PSORS1C1: variants seen among roughly 807,000 people sequenced by gnomAD.
PSORS1C1 encodes the protein psoriasis susceptibility 1 candidate gene 1 protein.
PSORS1C1 carries 7 observed loss-of-function variants against 9.4 expected under a neutral mutation model. The observed-to-expected ratio is 0.75, with a 90% CI of 0.42 to 1.40. The LOEUF is 1.40. Among genes scored for constraint, PSORS1C1 ranks in the 40% most tolerant of loss-of-function variants. PSORS1C1 has a pLI of 0.01. For synonymous variants in PSORS1C1, 63 were observed against 69.4 expected (o/e 0.91, Z 0.46); for missense variants, 146 against 178.1 (o/e 0.82, Z 1.02).
Position 31,139,061 on chromosome 6 carries a change from G to A in PSORS1C1, c.167+282G>A. 1 of 1,603,312 alleles carries A rather than the reference G, an allele frequency of 6.2e-7. No individual in the cohort carries two copies. The highest frequency in any genetic ancestry group is 8.5e-7 in the Non-Finnish European group (1 of 1,170,446). ...CTGGCCCCCAAAGCTGGGGTGGGCT[G>A]AGTCTGGGTGCCTGGGAACCCCAAG... On this transcript the variant is annotated intron_variant, in intron 5 of 5. Coordinates refer to ENST00000259881, the MANE Select transcript of PSORS1C1 (RefSeq NM_014068.3). This position sits in a 1 kb window ranked among gnomAD's most constrained non-coding sequence, Gnocchi z 5.2.
intron 1 of PSORS1C1, among the ~76,000 whole-genome samples, chr6:31,121,735 T>C (rs1772473068): frequency 2.0e-5 from 3 of 152,156 alleles, no homozygotes; most frequent in Admixed American, 2.0e-4. Flanking sequence ...CTTGGCCTGG[T>C]CTCTCCCATT....
At chr6:31,116,033 T>C in intron 1 of PSORS1C1, 1 of 1,610,834 alleles carries the variant, frequency 6.2e-7, no homozygotes, top group Non-Finnish European at 8.5e-7. Context: ...TCTTATGGAC[T>C]GTTGAGTAAC....
At chr6:31,118,693 TACAA>T (rs1772296239) in intron 1 of PSORS1C1, 2 of 152,196 alleles carry the variant, frequency 1.3e-5, no homozygotes, top group Non-Finnish European at 2.9e-5. Context: ...TCCCACGTGT[TACAA>T]ACAGAGCCAC....
rs3095298 is a variant in PSORS1C1 at position 31,115,155 on chromosome 6, C to T, written c.-229+264C>T. 0.2 allele frequency: 67,915 copies of T among 334,382 alleles called. 7,458 individuals are homozygous for T. Among genetic ancestry groups the T allele is most frequent in the Non-Finnish European group, 0.22 (38,307 of 171,848 alleles). The allele number at this position is 334,382 out of a possible 1,614,324, so 20.7% of individuals were successfully genotyped here. A position where few individuals can be genotyped will look rare whatever the true frequency, so the allele number is the denominator to read the frequency against. On this transcript the variant is annotated intron_variant, in intron 1 of 5. Transcript: ENST00000259881. This position sits in a 1 kb window ranked among gnomAD's most constrained non-coding sequence, Gnocchi z 4.2. ...GAGCAGCTGGAAGGTAGAAGAGAAA[C>T]ACAGCCCGCTTTTGAAGGAAAATGA...
In PSORS1C1 at chr6:31,115,945, G is replaced by T; in HGVS notation, c.-229+1054G>T. ...GAAACTGAGCTAACCCTATGCCTGG[G>T]CACTGGACTTCTCCCATATGGGATA... On this transcript the variant is annotated intron_variant, in intron 1 of 5. Transcript: ENST00000259881. This position sits in a 1 kb window ranked among gnomAD's most constrained non-coding sequence, Gnocchi z 4.2. The T allele has an allele frequency of 1.6e-6, 2 of 1,273,978 alleles. No homozygotes were observed. Among genetic ancestry groups the T allele is most frequent in the East Asian group, 2.3e-5 (1 of 42,802 alleles). The allele number at this position is 1,273,978 out of a possible 1,614,324, so 78.9% of individuals were successfully genotyped here.
intron 2 of PSORS1C1, among the ~76,000 whole-genome samples, chr6:31,127,318 C>A (rs896340241): frequency 6.6e-6 from 1 of 152,066 alleles, no homozygotes; most frequent in African/African-American, 2.4e-5. Context: ...GAGGGAGCTT[C>A]TCCTACTGCC....
At chr6:31,134,530 C>T (rs987360359) in intron 3 of PSORS1C1, among the ~76,000 whole-genome samples, 2 of 152,124 alleles carry the variant, frequency 1.3e-5, no homozygotes, top group African/African-American at 4.8e-5. Flanking sequence ...TGGTCTCGAT[C>T]TCCTGACCTC....
intron 3 of PSORS1C1, among the ~76,000 whole-genome samples, chr6:31,134,341 C>T (rs987546719): frequency 4.6e-5 from 7 of 151,532 alleles, no homozygotes; most frequent in Middle Eastern, 3.4e-3. Flanking sequence ...CTCGCTCTGT[C>T]GCCCAGGCTG....
At chr6:31,127,670 C>G (rs1301715103) in intron 2 of PSORS1C1, among the ~76,000 whole-genome samples, 1 of 151,518 alleles carries the variant, frequency 6.6e-6, no homozygotes, top group South Asian at 2.1e-4. Context: ...AAAAATTAGC[C>G]GGGTGTGGTG....
At chr6:31,117,834 C>T in intron 1 of PSORS1C1, 1 of 397,470 alleles carries the variant, frequency 2.5e-6, no homozygotes, top group Non-Finnish European at 4.6e-6. Context: ...CACAGTGGCT[C>T]ACGCCGGTAA....
rs1265093 is a variant in PSORS1C1 at position 31,139,410 on chromosome 6, G to A, written c.168-231G>A. 156,672 of 594,846 alleles carry A rather than the reference G, an allele frequency of 0.26. 21,562 individuals carry two copies. Among genetic ancestry groups the A allele is most frequent in the East Asian group, 0.34 (12,458 of 36,136 alleles). 36.8% of individuals were successfully genotyped at this position (594,846 alleles called of 1,614,324 possible). ...AAGCCAAAGAATGGGAGCAAACCAC[G>A]CGATGGGCGTTGGGAAGCACCGTAA... On this transcript the variant is annotated intron_variant, in intron 5 of 5. Coordinates refer to ENST00000259881, the MANE Select transcript of PSORS1C1 (RefSeq NM_014068.3). The surrounding 1 kb of genome is among the most constrained non-coding windows in gnomAD (Gnocchi z 5.2).
intron 1 of PSORS1C1, chr6:31,117,298 A>G (rs751568514): frequency 6.3e-7 from 1 of 1,592,786 alleles, no homozygotes; most frequent in African/African-American, 1.3e-5. Context: ...TCCTGGCTTA[A>G]AAGATCCTGC....
In PSORS1C1 at chr6:31,128,115, G is replaced by A. The variant is rs28732099; in HGVS notation, c.-64-1454G>A. Among the ~76,000 whole-genome samples the A allele has an allele frequency of 0.036, 5,456 of 152,282 alleles. 130 individuals carry two copies. The highest frequency in any genetic ancestry group is 0.076 in the South Asian group (368 of 4,820). On this transcript the variant is annotated intron_variant, in intron 2 of 5. Coordinates refer to ENST00000259881, the MANE Select transcript of PSORS1C1 (RefSeq NM_014068.3). The surrounding 1 kb of genome is among the most constrained non-coding windows in gnomAD (Gnocchi z 4.3). ...AGCCTGTGCCTGAATTTTCCTGAGG[G>A]CTTCAGAGCCTGTCTCGCCTCGCCT...
At chr6:31,130,903 A>AG (rs1458938397) in intron 3 of PSORS1C1, among the ~76,000 whole-genome samples, 2 of 150,822 alleles carry the variant, frequency 1.3e-5, no homozygotes, top group African/African-American at 4.9e-5. Flanking sequence ...TGTGTTGCCC[A>AG]GGCTGGCTTT....
rs377212456 is a variant in PSORS1C1, at chr6:31,139,621, TCCA to T, written c.168-16_168-14del. On this transcript the variant is annotated splice_polypyrimidine_tract_variant and intron_variant, in intron 5 of 5. Transcript: ENST00000259881. This position sits in a 1 kb window ranked among gnomAD's most constrained non-coding sequence, Gnocchi z 5.2. ...CCCATGGGATCCAGGCATCCTGCTC[TCCA>T]CCATGTCCTTCTTCAGGCATGCAGG... 6,809 of 1,606,086 alleles carry T rather than the reference TCCA, an allele frequency of 4.2e-3. 97 individuals are homozygous for T. Among genetic ancestry groups the T allele is most frequent in the South Asian group, 0.03 (2,729 of 90,914 alleles).
rs573554448 is a variant in PSORS1C1 at position 31,125,124 on chromosome 6, A to C, written c.-228-552A>C. ...TGGTAGACCAGGGCTTAGGCTTGGA[A>C]GAAGGAAAATGGAGTGAGCACGAGG... is the stretch of plus-strand genomic sequence containing the variant. On this transcript the variant is annotated intron_variant, in intron 1 of 5. Coordinates refer to ENST00000259881, the MANE Select transcript of PSORS1C1 (RefSeq NM_014068.3). 1.6e-4 allele frequency among the ~76,000 whole-genome samples: 24 copies of C among 152,274 alleles called. 1 individual carries two copies. In the South Asian group the frequency reaches 2.1e-3, roughly 13 times the overall value.
In PSORS1C1 at chr6:31,130,639, G is replaced by T. The variant is rs371006522; in HGVS notation, c.13+994G>T. 9.3e-4 allele frequency among the ~76,000 whole-genome samples: 142 copies of T among 152,114 alleles called. 1 individual carries two copies. The highest frequency in any genetic ancestry group is 3.2e-3 in the African/African-American group (134 of 41,490). ...CGTGGTCTCGATCTCCTGACCTCGC[G>T]ATCCGCCCACCTCGGCCTCCCAAAG... On this transcript the variant is annotated intron_variant, in intron 3 of 5. Coordinates refer to ENST00000259881, the MANE Select transcript of PSORS1C1 (RefSeq NM_014068.3).
intron 3 of PSORS1C1, among the ~76,000 whole-genome samples, chr6:31,136,374 G>A (rs1773136389): frequency 6.9e-6 from 1 of 144,308 alleles, no homozygotes; most frequent in Admixed American, 7.1e-5. Flanking sequence ...CTGGGCGACA[G>A]AGAGATAATA....
At chr6:31,137,097 G>A (rs918790871) in intron 3 of PSORS1C1, among the ~76,000 whole-genome samples, 35 of 151,864 alleles carry the variant, frequency 2.3e-4, no homozygotes, top group African/African-American at 8.2e-4. Flanking sequence ...GCAGTGAGCC[G>A]AGATCGTGCC....
Sources: gnomAD v4.1 joint callset for allele counts (sites outside exome capture counted in the v4.1 genomes callset) on GRCh38, gnomAD v4.1.1 for gene constraint, Gnocchi (gnomAD v3.1) non-coding constraint, MANE v1.5 for transcripts, NCBI Gene and HGNC (gene_info 2026-07-23, HGNC 2026-07-21) for gene names.